NFIA: variants seen among roughly 807,000 people sequenced by gnomAD.
The protein encoded by NFIA is nuclear factor I A, also known as nuclear factor 1 A-type.
NFIA carries 8 observed loss-of-function variants against 62.8 expected under a neutral mutation model. That is an observed-to-expected ratio of 0.13 (90% confidence interval 0.07 to 0.23). NFIA has a LOEUF of 0.23. Ranked by LOEUF, NFIA falls within the 10% of genes least tolerant of loss-of-function variation. The pLI, the probability that NFIA is intolerant of heterozygous loss-of-function variation, is 1.00. For synonymous variants in NFIA, 235 were observed against 238.1 expected (o/e 0.99, Z 0.12); for missense variants, 410 against 642.1 (o/e 0.64, Z 3.91).
chr1:61,104,907 T>C (rs941149820), intron 2 of NFIA, among the ~76,000 whole-genome samples: 6 of 152,050 alleles, frequency 3.9e-5, no homozygotes, highest in African/African-American at 1.4e-4. Context: ...CTGATCTTCT[T>C]TGGTGAGCAA....
rs569209506 is a variant in NFIA, at chr1:61,426,846, C to G, written c.1512+290C>G. On this transcript the variant is annotated intron_variant, in intron 10 of 10. Coordinates refer to ENST00000403491, the MANE Select transcript of NFIA (RefSeq NM_001134673.4). Reference sequence around the variant, plus strand: ...GTTCCCTCTTATAGGAATTCATGGTCCTCTAAATGCAAGCAGACAGAAGCA... The same window carrying G: ...GTTCCCTCTTATAGGAATTCATGGTGCTCTAAATGCAAGCAGACAGAAGCA... Among the ~76,000 whole-genome samples the G allele has an allele frequency of 3.9e-5, 6 of 152,158 alleles. No homozygotes were observed. In the South Asian group the frequency reaches 1.2e-3, roughly 32 times the overall value.
chr1:61,214,548 A>G (rs1272559390), intron 2 of NFIA, among the ~76,000 whole-genome samples: 3 of 152,194 alleles, frequency 2.0e-5, no homozygotes, highest in Admixed American at 2.0e-4. Context: ...AATGGCTATT[A>G]TTATCATTAT....
At chr1:61,167,608 C>A (rs567059630) in intron 2 of NFIA, among the ~76,000 whole-genome samples, 3 of 152,126 alleles carry the variant, frequency 2.0e-5, no homozygotes, top group African/African-American at 7.2e-5. Context: ...TGAGAATTTA[C>A]ATGGCTTTAA....
intron 2 of NFIA, among the ~76,000 whole-genome samples, chr1:61,104,900 A>G (rs556330994): frequency 9.3e-4 from 141 of 152,114 alleles, no homozygotes; most frequent in African/African-American, 1.2e-3. Flanking sequence ...CCAAATTCTG[A>G]TCTTCTTTGG....
intron 10 of NFIA, among the ~76,000 whole-genome samples, chr1:61,445,318 G>A (rs919135530): frequency 2.6e-5 from 4 of 152,058 alleles, no homozygotes; most frequent in African/African-American, 4.8e-5. Flanking sequence ...AATCCCAACC[G>A]CAGCCCCATC....
At chr1:61,122,314 G>A (rs1646900426) in intron 2 of NFIA, among the ~76,000 whole-genome samples, 1 of 152,200 alleles carries the variant, frequency 6.6e-6, no homozygotes. Flanking sequence ...AACTGGTAAA[G>A]AGTTATAGTG....
chr1:61,394,697 G>A (rs1665177065), intron 7 of NFIA, among the ~76,000 whole-genome samples: 1 of 152,176 alleles, frequency 6.6e-6, no homozygotes, highest in Non-Finnish European at 1.5e-5. Context: ...TTAATCACTA[G>A]ACTGATTATT....
At chr1:61,276,415 T>G (rs1454630596) in intron 2 of NFIA, among the ~76,000 whole-genome samples, 1 of 152,214 alleles carries the variant, frequency 6.6e-6, no homozygotes, top group Non-Finnish European at 1.5e-5. Context: ...CCTTTTGACC[T>G]TACATTAAAC....
At chr1:61,084,281 C>G (rs1023038361) in intron 1 of NFIA, among the ~76,000 whole-genome samples, 2 of 152,226 alleles carry the variant, frequency 1.3e-5, no homozygotes, top group African/African-American at 4.8e-5. Context: ...GACATCCCTT[C>G]TTATTGCAAT....
At chr1:61,436,108 AAGGCTG>A (rs1401480969) in intron 10 of NFIA, among the ~76,000 whole-genome samples, 1 of 152,084 alleles carries the variant, frequency 6.6e-6, no homozygotes, top group Non-Finnish European at 1.5e-5. Flanking sequence ...GGACTCTGAA[AAGGCTG>A]AGTTGGAGGA....
chr1:61,328,218 T>C (rs763036755), intron 3 of NFIA, among the ~76,000 whole-genome samples: 6 of 151,974 alleles, frequency 3.9e-5, no homozygotes, highest in Non-Finnish European at 8.8e-5. Context: ...TCAGAACACA[T>C]TGGATTTGTC....
intron 3 of NFIA, among the ~76,000 whole-genome samples, chr1:61,306,266 G>GTTTTTTTTTTTTTT (rs1557695597): frequency 2.2e-5 from 1 of 45,370 alleles, no homozygotes; most frequent in Non-Finnish European, 4.0e-5. Context: ...CCCAGATTTT[G>GTTTTTTTTTTTTTT]TTCTTTTTTT....
intron 5 of NFIA, among the ~76,000 whole-genome samples, chr1:61,358,409 CAG>C (rs1663092716): frequency 2.7e-5 from 1 of 37,422 alleles, no homozygotes; most frequent in Non-Finnish European, 4.5e-5. Context: ...TTTTTTGAGA[CAG>C]AATCTTGCTC....
intron 2 of NFIA, among the ~76,000 whole-genome samples, chr1:61,207,672 G>C (rs1423744974): frequency 1.3e-4 from 20 of 152,186 alleles, no homozygotes; most frequent in Admixed American, 1.3e-3. Flanking sequence ...TCTCTCTTCT[G>C]TGAAGTGGGA....
intron 3 of NFIA, among the ~76,000 whole-genome samples, chr1:61,320,318 C>T (rs1466906896): frequency 2.0e-5 from 3 of 152,100 alleles, no homozygotes; most frequent in Non-Finnish European, 2.9e-5. Context: ...ATGATTGTGG[C>T]CTGCCATAGT....
At chr1:61,150,713 C>T (rs770374532) in intron 2 of NFIA, among the ~76,000 whole-genome samples, 6 of 152,186 alleles carry the variant, frequency 3.9e-5, no homozygotes, top group East Asian at 1.9e-4. Context: ...GTGTCTGAAG[C>T]GCCTGCTTTC....
chr1:61,085,267 T>C (rs1031880385), intron 1 of NFIA, among the ~76,000 whole-genome samples: 4 of 152,188 alleles, frequency 2.6e-5, no homozygotes, highest in Non-Finnish European at 4.4e-5. Context: ...AATCAGGTAC[T>C]GTCCATATAA....
In NFIA at chr1:61,355,309, A is replaced by G. The variant is rs77043755; in HGVS notation, c.818+2742A>G. On this transcript the variant is annotated intron_variant, in intron 5 of 10. Transcript: ENST00000403491. ...AGAAACCAAAATCAATGACTGATTC[A>G]TTTCAATAGATAGATAGGTAGGTAG... Among the ~76,000 whole-genome samples the G allele has an allele frequency of 4.7e-3, 709 of 152,268 alleles. 4 individuals are homozygous for G. Among genetic ancestry groups the G allele is most frequent in the Middle Eastern group, 0.01 (3 of 294 alleles).
At chr1:61,440,719 C>T (rs1363318665) in intron 10 of NFIA, among the ~76,000 whole-genome samples, 1 of 148,046 alleles carries the variant, frequency 6.8e-6, no homozygotes, top group Non-Finnish European at 1.5e-5. Context: ...TTGCCAGATT[C>T]CTTTTTCCAC....
Sources: gnomAD v4.1 joint callset for allele counts (sites outside exome capture counted in the v4.1 genomes callset) on GRCh38, gnomAD v4.1.1 for gene constraint, MANE v1.5 for transcripts, NCBI Gene and HGNC (gene_info 2026-07-23, HGNC 2026-07-21) for gene names.